Variants in FAM120B observed in about 807,000 individuals in gnomAD.
FAM120B encodes the protein constitutive coactivator of peroxisome proliferator-activated receptor gamma.
Under a neutral mutation model 96.3 loss-of-function variants are expected in FAM120B, and 83 were observed. The ratio of observed to expected loss-of-function variants is 0.86; its 90% CI spans 0.72 to 1.03. The LOEUF is 1.03. Among genes scored for constraint, FAM120B ranks in the 50% least tolerant of loss-of-function variants. FAM120B has a pLI of 0.00. For synonymous variants in FAM120B, 407 were observed against 402.7 expected (o/e 1.01, Z -0.13); for missense variants, 1,027 against 1,121.2 (o/e 0.92, Z 1.20).
At chr6:170,349,605 A>G (rs1408771548) in intron 5 of FAM120B, among the ~76,000 whole-genome samples, 2 of 152,226 alleles carry the variant, frequency 1.3e-5, no homozygotes, top group African/African-American at 2.4e-5. Flanking sequence ...TGGTTTTTGC[A>G]TTACCATTTT....
chr6:170,291,266 C>T (rs1199939030), upstream of FAM120B, among the ~76,000 whole-genome samples: 1 of 151,970 alleles, frequency 6.6e-6, no homozygotes, highest in Non-Finnish European at 1.5e-5. Flanking sequence ...CCGTCCCCTC[C>T]GCACGCCCTC....
At chr6:170,334,108 C>G (rs1756628102) in intron 4 of FAM120B, among the ~76,000 whole-genome samples, 1 of 152,164 alleles carries the variant, frequency 6.6e-6, no homozygotes, top group Admixed American at 6.5e-5. Flanking sequence ...TCTTCATTTT[C>G]AAAGTGCTGG....
intron 4 of FAM120B, among the ~76,000 whole-genome samples, chr6:170,342,210 A>T (rs1786887237): frequency 6.6e-6 from 1 of 152,080 alleles, no homozygotes; most frequent in Non-Finnish European, 1.5e-5. Flanking sequence ...GCCAGGAATG[A>T]TCTACCAACA....
chr6:170,379,213 C>T (rs1386810499), intron 6 of FAM120B, among the ~76,000 whole-genome samples: 1 of 152,238 alleles, frequency 6.6e-6, no homozygotes, highest in Non-Finnish European at 1.5e-5. Context: ...TCACTAACTT[C>T]TAACTGAAGT....
chr6:170,297,740 C>T (rs555409096), intron 1 of FAM120B: 2 of 152,284 alleles, frequency 1.3e-5, no homozygotes, highest in Admixed American at 6.5e-5. Context: ...GTTTATCAGA[C>T]GGAAAATAAA....
At chr6:170,369,657 C>T (rs1238069310) in intron 6 of FAM120B, among the ~76,000 whole-genome samples, 7 of 150,644 alleles carry the variant, frequency 4.6e-5, no homozygotes, top group African/African-American at 1.2e-4. Flanking sequence ...TGGCACTCCT[C>T]GGGTGACCTT....
chr6:170,371,776 T>C (rs957653315), intron 6 of FAM120B, among the ~76,000 whole-genome samples: 6 of 152,142 alleles, frequency 3.9e-5, no homozygotes, highest in African/African-American at 1.4e-4. Context: ...TGCCATTCGT[T>C]CCGAGACAGG....
rs201799388 is a variant in FAM120B at position 170,361,222 on chromosome 6, A to G, written c.2283+2904A>G. Among the ~76,000 whole-genome samples the G allele has an allele frequency of 2.3e-3, 237 of 101,944 alleles. 15 individuals are homozygous for G. In the East Asian group the frequency reaches 0.032, roughly 14 times the overall value. 66.9% of individuals were successfully genotyped at this position (101,944 alleles called of 152,430 possible). On this transcript the variant is annotated intron_variant, in intron 6 of 10. Transcript: ENST00000476287. Reference sequence around the variant, plus strand: ...TGTATATATATATATATATATATATATATATATATATATACACGTATATAT... The same window carrying G: ...TGTATATATATATATATATATATATGTATATATATATATACACGTATATAT...
chr6:170,317,380 G>C lies in FAM120B; in HGVS notation c.-11G>C. ...TATCTTTCTTTCCAGATCCTTTCCC[G>C]GAGTTCAGTTATGGGTGTGAGAGGT... On this transcript the variant is annotated 5_prime_UTR_variant, in exon 2 of 11. Transcript: ENST00000476287. 1.9e-6 allele frequency: 3 copies of C among 1,594,802 alleles called. No individual in the cohort carries two copies. The highest frequency in any genetic ancestry group is 2.6e-6 in the Non-Finnish European group (3 of 1,164,950).
chr6:170,362,684 CTT>C (rs759098041), intron 6 of FAM120B, among the ~76,000 whole-genome samples: 52 of 139,642 alleles, frequency 3.7e-4, no homozygotes, highest in Admixed American at 4.3e-4. Context: ...TTTCTTTTTT[CTT>C]TTTTTTTTTT....
intron 9 of FAM120B, among the ~76,000 whole-genome samples, chr6:170,402,232 C>A (rs2115348674): frequency 6.6e-6 from 1 of 152,328 alleles, no homozygotes. Context: ...TTCCCGAATC[C>A]CTGAGCTGGT....
upstream of FAM120B, among the ~76,000 whole-genome samples, chr6:170,306,231 G>T (rs533836739): frequency 6.6e-6 from 1 of 152,148 alleles, no homozygotes; most frequent in African/African-American, 2.4e-5. Flanking sequence ...AGGGTCGAAC[G>T]CCAGGACGTC....
intron 9 of FAM120B, among the ~76,000 whole-genome samples, chr6:170,398,854 A>G (rs58937203): frequency 1.1e-3 from 92 of 86,572 alleles, no homozygotes; most frequent in African/African-American, 2.0e-3. Flanking sequence ...TAACTCTTAG[A>G]AGTGAGTGGG....
At chr6:170,341,193 G>T (rs1786802054) in intron 4 of FAM120B, among the ~76,000 whole-genome samples, 1 of 152,232 alleles carries the variant, frequency 6.6e-6, no homozygotes, top group Non-Finnish European at 1.5e-5. Flanking sequence ...TTTCAGAGAT[G>T]CCCTACCCAG....
chr6:170,301,420 G>A (rs1309350102), intron 1 of FAM120B, among the ~76,000 whole-genome samples: 2 of 152,244 alleles, frequency 1.3e-5, no homozygotes, highest in Admixed American at 6.5e-5. Context: ...CTCTAGGCCT[G>A]TAATGGGAGG....
At chr6:170,390,465 C>T (rs556316785) in intron 7 of FAM120B, among the ~76,000 whole-genome samples, 22 of 150,728 alleles carry the variant, frequency 1.5e-4, no homozygotes, top group Admixed American at 1.1e-3. Context: ...AGTGATTATA[C>T]GTTCTAGTTT....
chr6:170,382,087 A>G (rs1789936312), intron 6 of FAM120B, among the ~76,000 whole-genome samples: 1 of 152,198 alleles, frequency 6.6e-6, no homozygotes, highest in African/African-American at 2.4e-5. Flanking sequence ...TGCAAATGAC[A>G]TGATTCTCTA....
chr6:170,338,302 C>T (rs769158985), intron 4 of FAM120B, among the ~76,000 whole-genome samples: 1 of 152,184 alleles, frequency 6.6e-6, no homozygotes, highest in African/African-American at 2.4e-5. Flanking sequence ...AGTAGTCATT[C>T]AGGAGCAGGC....
chr6:170,330,340 T>G, intron 3 of FAM120B, 109 bp from the exon 4 acceptor site: 1 of 717,926 alleles, frequency 1.4e-6, no homozygotes, highest in East Asian at 2.6e-5. Flanking sequence ...CACCTTGGAT[T>G]TGAGAGCTCA....
Sources: allele counts gnomAD v4.1 joint callset (sites outside exome capture counted in the v4.1 genomes callset), GRCh38; gene constraint gnomAD v4.1.1; transcripts MANE v1.5; gene names NCBI Gene and HGNC (gene_info 2026-07-23, HGNC 2026-07-21).